Variants in SLC31A1 observed in about 807,000 individuals in gnomAD.
The protein encoded by SLC31A1 is solute carrier family 31 member 1, also known as high affinity copper uptake protein 1.
In SLC31A1, 5 loss-of-function variants were observed where a neutral mutation model predicts 17.2. The observed-to-expected ratio is 0.29, with a 90% CI of 0.15 to 0.61. SLC31A1 has a LOEUF of 0.61. SLC31A1 is among the 20% of genes least tolerant of loss of function. The probability of loss-of-function intolerance (pLI) is 0.86; values close to 1 mark genes in which losing one functional copy is unlikely to be tolerated. For synonymous variants in SLC31A1, 76 were observed against 78.8 expected (o/e 0.96, Z 0.19); for missense variants, 161 against 241.4 (o/e 0.67, Z 2.21).
chr9:113,243,671 T>C (rs552341207), intron 1 of SLC31A1, among the ~76,000 whole-genome samples: 6 of 152,222 alleles, frequency 3.9e-5, no homozygotes, highest in Non-Finnish European at 7.3e-5. Flanking sequence ...TAGTTGGGAC[T>C]GCAGGCATGC....
At chr9:113,259,248 C>T (rs1262380579) in intron 4 of SLC31A1, among the ~76,000 whole-genome samples, 1 of 152,204 alleles carries the variant, frequency 6.6e-6, no homozygotes, top group Non-Finnish European at 1.5e-5. Flanking sequence ...TTTTTCTTTA[C>T]AATGTAAGAC....
chr9:113,230,363 G>A (rs941052133), intron 1 of SLC31A1, among the ~76,000 whole-genome samples: 6 of 152,156 alleles, frequency 3.9e-5, no homozygotes, highest in Non-Finnish European at 5.9e-5. Flanking sequence ...TAGTACAAAA[G>A]TAGATCCTAT....
chr9:113,226,206 C>T (rs1051293909), intron 1 of SLC31A1, among the ~76,000 whole-genome samples: 1 of 151,512 alleles, frequency 6.6e-6, no homozygotes, highest in Non-Finnish European at 1.5e-5. Context: ...TAGCAGTTGT[C>T]AGTTAAGTTA....
chr9:113,238,869 T>C (rs531501219), intron 1 of SLC31A1, among the ~76,000 whole-genome samples: 12 of 152,350 alleles, frequency 7.9e-5, no homozygotes, highest in African/African-American at 2.9e-4. Context: ...TTTAGATCAC[T>C]GTTGAAGGTG....
At chr9:113,257,478 ATTTTTT>A (rs532189321) in intron 3 of SLC31A1, among the ~76,000 whole-genome samples, 3 of 101,178 alleles carry the variant, frequency 3.0e-5, no homozygotes, top group African/African-American at 1.2e-4. Context: ...AGAGTGTTTA[ATTTTTT>A]TTTTTTTTTT....
intron 1 of SLC31A1, chr9:113,223,108 T>C (rs1831302666): frequency 3.8e-6 from 1 of 264,334 alleles, no homozygotes; most frequent in Non-Finnish European, 7.7e-6. Flanking sequence ...TTATCTTGTA[T>C]TCTTGGGTGG....
intron 1 of SLC31A1, among the ~76,000 whole-genome samples, chr9:113,224,083 G>A (rs539546435): frequency 2.0e-5 from 3 of 152,136 alleles, no homozygotes; most frequent in Non-Finnish European, 4.4e-5. Flanking sequence ...GGACCCTGTT[G>A]CCTGTTTTTA....
intron 1 of SLC31A1, among the ~76,000 whole-genome samples, chr9:113,248,192 T>C (rs11792628): frequency 0.5 from 75,790 of 151,644 alleles, 19,237 homozygotes; most frequent in South Asian, 0.61. Flanking sequence ...GGTGTGGTGG[T>C]GTGCACCTGT....
chr9:113,233,255 G>C (rs1193697649), intron 1 of SLC31A1, among the ~76,000 whole-genome samples: 1 of 152,220 alleles, frequency 6.6e-6, no homozygotes, highest in Non-Finnish European at 1.5e-5. Context: ...ACCGGTTAGA[G>C]AATGAGTAGA....
chr9:113,224,955 G>C (rs112103391), intron 1 of SLC31A1, among the ~76,000 whole-genome samples: 2 of 152,198 alleles, frequency 1.3e-5, no homozygotes, highest in African/African-American at 4.8e-5. Flanking sequence ...TATTATAGGA[G>C]TTAATTCATG....
chr9:113,242,057 C>T (rs768487261), intron 1 of SLC31A1, among the ~76,000 whole-genome samples: 4 of 152,076 alleles, frequency 2.6e-5, no homozygotes, highest in Non-Finnish European at 5.9e-5. Flanking sequence ...GGCATGGTAG[C>T]GGGCGCCTGT....
intron 1 of SLC31A1, chr9:113,223,212 T>C: frequency 2.2e-6 from 1 of 451,950 alleles, no homozygotes. Context: ...ATCACGAACA[T>C]GCATACGCAG....
rs1288756951 is a variant in SLC31A1, at chr9:113,263,806, C to T, written c.*3333C>T. On this transcript the variant is annotated 3_prime_UTR_variant, in exon 5 of 5. Coordinates refer to ENST00000374212, the MANE Select transcript of SLC31A1 (RefSeq NM_001859.4). ...GAACTCCCAGCATCCCCATTGCCCA[C>T]AAATGGAATCCTCACTGTATCCACT... is the stretch of plus-strand genomic sequence containing the variant. The T allele has an allele frequency of 6.6e-6, 1 of 152,260 alleles. No homozygotes were observed. Among genetic ancestry groups the T allele is most frequent in the Non-Finnish European group, 1.5e-5 (1 of 68,048 alleles). 9.4% of individuals were successfully genotyped at this position (152,260 alleles called of 1,614,324 possible). A position where few individuals can be genotyped will look rare whatever the true frequency, so the allele number is the denominator to read the frequency against.
chr9:113,256,120 C>T lies in SLC31A1; in HGVS notation c.-29C>T. On this transcript the variant is annotated 5_prime_UTR_variant, in exon 2 of 5. Transcript: ENST00000374212. Reference sequence around the variant, plus strand: ...TAATTCTTTCTCTTAAAAGAATCTTCTGCTGACTCTCAACTTTTCCTGGAA... The same window carrying T: ...TAATTCTTTCTCTTAAAAGAATCTTTTGCTGACTCTCAACTTTTCCTGGAA... 1 of 1,609,334 alleles carries T rather than the reference C, an allele frequency of 6.2e-7. No individual in the cohort carries two copies. Among genetic ancestry groups the T allele is most frequent in the Non-Finnish European group, 8.5e-7 (1 of 1,177,622 alleles).
intron 1 of SLC31A1, among the ~76,000 whole-genome samples, chr9:113,240,507 G>A (rs1831509867): frequency 6.6e-6 from 1 of 151,880 alleles, no homozygotes; most frequent in Non-Finnish European, 1.5e-5. Flanking sequence ...AAGATTGCTA[G>A]GGAAATTCAA....
Position 113,258,665 on chromosome 9 carries a change from G to A in SLC31A1, c.203-29G>A. The A allele has an allele frequency of 6.2e-7, 1 of 1,612,882 alleles. No individual in the cohort carries two copies. On this transcript the variant is annotated intron_variant, in intron 3 of 4. Transcript: ENST00000374212. The surrounding 1 kb of genome is among the most constrained non-coding windows in gnomAD (Gnocchi z 4.8). ...CTAATGATTTTGCACATGTTTGACAGTACCTCCATATTTTCCTTCCATACT... is the reference window on the plus strand; with the variant it reads ...CTAATGATTTTGCACATGTTTGACAATACCTCCATATTTTCCTTCCATACT...
intron 1 of SLC31A1, among the ~76,000 whole-genome samples, chr9:113,236,842 A>G (rs1295878876): frequency 2.0e-5 from 3 of 152,232 alleles, no homozygotes; most frequent in Non-Finnish European, 4.4e-5. Flanking sequence ...TGTAATCATT[A>G]TAAAGATTAA....
At chr9:113,228,484 A>T (rs1041153332) in intron 1 of SLC31A1, among the ~76,000 whole-genome samples, 3 of 152,248 alleles carry the variant, frequency 2.0e-5, no homozygotes, top group African/African-American at 7.2e-5. Context: ...GACATATCAA[A>T]TTTGAGTTGT....
chr9:113,245,436 G>A (rs1313818811), intron 1 of SLC31A1, among the ~76,000 whole-genome samples: 2 of 152,096 alleles, frequency 1.3e-5, no homozygotes, highest in African/African-American at 4.8e-5. Flanking sequence ...CTCACTTTGT[G>A]AGCCATCGCA....
Sources: gnomAD v4.1 joint callset for allele counts (sites outside exome capture counted in the v4.1 genomes callset) on GRCh38, gnomAD v4.1.1 for gene constraint, Gnocchi (gnomAD v3.1) non-coding constraint, MANE v1.5 for transcripts, NCBI Gene and HGNC (gene_info 2026-07-23, HGNC 2026-07-21) for gene names.